Variants in BACH2 observed in about 807,000 individuals in gnomAD.
BACH2 encodes the protein transcription regulator protein BACH2.
Under a neutral mutation model 61.8 loss-of-function variants are expected in BACH2, and 5 were observed. The ratio of observed to expected loss-of-function variants is 0.08; its 90% CI spans 0.04 to 0.17. The LOEUF (loss-of-function observed/expected upper bound fraction) is 0.17. Among genes scored for constraint, BACH2 ranks in the 10% least tolerant of loss-of-function variants. BACH2 has a pLI of 1.00. For synonymous variants in BACH2, 446 were observed against 440.1 expected (o/e 1.01, Z -0.17); for missense variants, 824 against 1,091.1 (o/e 0.76, Z 3.45).
At chr6:90,080,454 G>C (rs1223683119) in intron 5 of BACH2, among the ~76,000 whole-genome samples, 1 of 152,168 alleles carries the variant, frequency 6.6e-6, no homozygotes, top group East Asian at 1.9e-4. Context: ...TGAAGCATCT[G>C]ATATTTAGAG....
chr6:90,166,482 C>T (rs1167672014), intron 4 of BACH2, among the ~76,000 whole-genome samples: 3 of 152,132 alleles, frequency 2.0e-5, no homozygotes, highest in Non-Finnish European at 2.9e-5. Flanking sequence ...TCAACCATTG[C>T]AGAAGTCAGT....
intron 6 of BACH2, among the ~76,000 whole-genome samples, chr6:89,999,808 A>C (rs189602317): frequency 2.5e-3 from 378 of 152,342 alleles, no homozygotes; most frequent in African/African-American, 8.8e-3. Flanking sequence ...AAATTGATGC[A>C]AACAAGTTTA....
intron 5 of BACH2, among the ~76,000 whole-genome samples, chr6:90,069,868 A>G (rs573271094): frequency 6.6e-6 from 1 of 152,296 alleles, no homozygotes; most frequent in East Asian, 1.9e-4. Flanking sequence ...TGCTAAGGTG[A>G]CAGGGAAGCA....
At chr6:90,235,002 C>T (rs979821665) in intron 3 of BACH2, among the ~76,000 whole-genome samples, 1 of 152,210 alleles carries the variant, frequency 6.6e-6, no homozygotes, top group Non-Finnish European at 1.5e-5. Context: ...AACTGGGGCA[C>T]CCATCATCAT....
At chr6:90,263,658 A>C (rs1343213909) in intron 2 of BACH2, among the ~76,000 whole-genome samples, 1 of 152,202 alleles carries the variant, frequency 6.6e-6, no homozygotes, top group Non-Finnish European at 1.5e-5. Flanking sequence ...AATCTGCAAA[A>C]GTCTGTGATG....
chr6:90,084,790 C>A (rs1425205271), intron 5 of BACH2, among the ~76,000 whole-genome samples: 1 of 152,002 alleles, frequency 6.6e-6, no homozygotes, highest in Non-Finnish European at 1.5e-5. Flanking sequence ...TATAGGGCCT[C>A]TGTAACAGAC....
chr6:90,222,143 A>T (rs1249958890), intron 3 of BACH2, among the ~76,000 whole-genome samples: 2 of 152,222 alleles, frequency 1.3e-5, no homozygotes, highest in East Asian at 3.8e-4. Flanking sequence ...TGGATTCTAC[A>T]CTTACGGCAC....
intron 5 of BACH2, among the ~76,000 whole-genome samples, chr6:90,056,606 T>C (rs1422563104): frequency 1.3e-5 from 2 of 151,998 alleles, no homozygotes; most frequent in Non-Finnish European, 2.9e-5. Context: ...TGAACTCAGC[T>C]CTGCACCAAG....
chr6:90,147,717 T>C (rs997914760), intron 4 of BACH2, among the ~76,000 whole-genome samples: 15 of 152,194 alleles, frequency 9.9e-5, no homozygotes, highest in African/African-American at 3.4e-4. Context: ...AACAGGCAGT[T>C]TTCTCCTGAG....
intron 5 of BACH2, among the ~76,000 whole-genome samples, chr6:90,014,440 G>GTATATATATA (rs1201471150): frequency 1.2e-4 from 6 of 48,038 alleles, no homozygotes; most frequent in East Asian, 5.5e-4. Context: ...GTGTGTGTGT[G>GTATATATATA]TATATATATA....
intron 7 of BACH2, among the ~76,000 whole-genome samples, chr6:89,944,324 G>A (rs939109850): frequency 1.3e-5 from 2 of 152,162 alleles, no homozygotes; most frequent in Non-Finnish European, 2.9e-5. Flanking sequence ...ATAGATACAA[G>A]GTATTATTAT....
rs1775565936 is a variant in BACH2, at chr6:89,974,858, GAC to G, written c.244-22998_244-22997del. 7.2e-5 allele frequency among the ~76,000 whole-genome samples: 11 copies of G among 152,314 alleles called. No individual in the cohort carries two copies. The South Asian group carries it at 2.3e-3, about 32-fold the overall frequency. ...GATCAAAGATCATTTTCAAAAAGTAGACACGTATGTATCTTCATGGTAGCTTT... is the reference window on the plus strand; with the variant it reads ...GATCAAAGATCATTTTCAAAAAGTAGACGTATGTATCTTCATGGTAGCTTT... On this transcript the variant is annotated intron_variant, in intron 6 of 8. Transcript: ENST00000257749.
intron 4 of BACH2, among the ~76,000 whole-genome samples, chr6:90,138,908 G>T (rs929576291): frequency 6.6e-6 from 1 of 152,136 alleles, no homozygotes; most frequent in Admixed American, 6.5e-5. Context: ...ACAAGAAAGC[G>T]GAATGGGAAG....
At chr6:89,979,000 T>C (rs1472475216) in intron 6 of BACH2, among the ~76,000 whole-genome samples, 1 of 152,240 alleles carries the variant, frequency 6.6e-6, no homozygotes. Flanking sequence ...TCTATAGAGA[T>C]AAATTACTGC....
chr6:90,169,339 C>T lies in BACH2; in HGVS notation c.-162+37230G>A, dbSNP rs556448106. 3.9e-5 allele frequency among the ~76,000 whole-genome samples: 6 copies of T among 152,182 alleles called. No individual in the cohort carries two copies. The East Asian group carries it at 1.2e-3, about 29-fold the overall frequency. ...TGAAGAAAAGTCTAAGCATAAACAA[C>T]AGTAAAAATGGAGTCTTGGATGATG... On this transcript the variant is annotated intron_variant, in intron 4 of 8. Transcript: ENST00000257749.
At chr6:90,262,622 T>C (rs1771198489) in intron 2 of BACH2, among the ~76,000 whole-genome samples, 1 of 152,158 alleles carries the variant, frequency 6.6e-6, no homozygotes, top group Admixed American at 6.5e-5. Context: ...AAAAACAAAA[T>C]TATCACAGAG....
intron 6 of BACH2, among the ~76,000 whole-genome samples, chr6:89,962,526 C>T (rs1774805508): frequency 6.6e-6 from 1 of 152,094 alleles, no homozygotes; most frequent in South Asian, 2.1e-4. Flanking sequence ...ATTTGTGGTT[C>T]CATACATGTT....
intron 4 of BACH2, among the ~76,000 whole-genome samples, chr6:90,179,548 C>A (rs1425841385): frequency 6.6e-6 from 1 of 152,094 alleles, no homozygotes; most frequent in Non-Finnish European, 1.5e-5. Context: ...AGGCTTAGTT[C>A]TGGACTGGAG....
At chr6:89,973,995 T>C (rs565440691) in intron 6 of BACH2, among the ~76,000 whole-genome samples, 6 of 152,334 alleles carry the variant, frequency 3.9e-5, no homozygotes, top group Non-Finnish European at 7.4e-5. Context: ...AAATTTCTAG[T>C]GCTGGGTTCA....
Sources: allele counts gnomAD v4.1 joint callset (sites outside exome capture counted in the v4.1 genomes callset), GRCh38; gene constraint gnomAD v4.1.1; transcripts MANE v1.5; gene names NCBI Gene and HGNC (gene_info 2026-07-23, HGNC 2026-07-21).